The following SMAP2 variants were observed in gnomAD, a reference collection of about 807,000 sequenced individuals.
SMAP2 encodes small ArfGAP2, also known as stromal membrane-associated protein 2.
In SMAP2, 25 loss-of-function variants were observed where a neutral mutation model predicts 56.4. The ratio of observed to expected loss-of-function variants is 0.44; its 90% CI spans 0.32 to 0.62. SMAP2 has a LOEUF of 0.62. SMAP2 is among the 20% of genes least tolerant of loss of function. The pLI, the probability that SMAP2 is intolerant of heterozygous loss-of-function variation, is 0.04. For missense variants in SMAP2, 388 were observed against 545.6 expected (o/e 0.71, Z 2.88); for synonymous variants, 157 against 181.7 (o/e 0.86, Z 1.09).
In SMAP2 at chr1:40,422,144, T is replaced by G. The variant is rs1197380503; in HGVS notation, c.*43T>G. 1.2e-6 allele frequency: 2 copies of G among 1,609,338 alleles called. No individual in the cohort carries two copies. The highest frequency in any genetic ancestry group is 1.7e-6 in the Non-Finnish European group (2 of 1,178,438). ...GGCTGCCATTCTCTTCAGCCCTCGC[T>G]CTCCCCTTTCCACAGCCTCCACCCC... On this transcript the variant is annotated 3_prime_UTR_variant, in exon 10 of 10. Coordinates refer to ENST00000372718, the MANE Select transcript of SMAP2 (RefSeq NM_022733.3).
At chr1:40,349,693 G>A (rs1024288229) in intron 1 of SMAP2, among the ~76,000 whole-genome samples, 1 of 151,912 alleles carries the variant, frequency 6.6e-6, no homozygotes, top group African/African-American at 2.4e-5. Context: ...TAATTTTTTT[G>A]TATTTTTAGT....
intron 1 of SMAP2, among the ~76,000 whole-genome samples, chr1:40,390,396 G>C (rs1420685162): frequency 6.6e-6 from 1 of 152,164 alleles, no homozygotes; most frequent in Non-Finnish European, 1.5e-5. Context: ...CTTGCACAAG[G>C]GCTCATTTGC....
intron 1 of SMAP2, among the ~76,000 whole-genome samples, chr1:40,404,596 GTGTT>G (rs2124331462): frequency 6.6e-6 from 1 of 152,324 alleles, no homozygotes; most frequent in Non-Finnish European, 1.5e-5. Context: ...TTTAATGAAT[GTGTT>G]TGGCTTCTGA....
intron 1 of SMAP2, among the ~76,000 whole-genome samples, chr1:40,401,837 T>C (rs1031592469): frequency 2.6e-5 from 4 of 152,246 alleles, no homozygotes; most frequent in East Asian, 1.9e-4. Flanking sequence ...ATTTTTCCGA[T>C]ACTGAACTGG....
chr1:40,401,555 TTAG>T (rs1644834664), intron 1 of SMAP2, among the ~76,000 whole-genome samples: 1 of 152,292 alleles, frequency 6.6e-6, no homozygotes, highest in Non-Finnish European at 1.5e-5. Context: ...TATTATAATA[TTAG>T]TAGTAGCTTG....
intron 6 of SMAP2, 122 bp downstream of exon 6, chr1:40,414,362 A>C: frequency 5.9e-6 from 5 of 846,836 alleles, no homozygotes; most frequent in Non-Finnish European, 9.6e-6. Context: ...CTGTTCTCTC[A>C]CATTCTTCCT....
chr1:40,375,945 T>A (rs1644537312), intron 1 of SMAP2: 1 of 204,188 alleles, frequency 4.9e-6, no homozygotes, highest in African/African-American at 2.4e-5. Flanking sequence ...GCTTTTTATT[T>A]ATTTTATTTT....
chr1:40,355,750 G>A (rs1157015559), intron 1 of SMAP2, among the ~76,000 whole-genome samples: 1 of 151,994 alleles, frequency 6.6e-6, no homozygotes, highest in Non-Finnish European at 1.5e-5. Context: ...AGCCCCTCAA[G>A]TAGCTGGAAC....
Position 40,374,321 on chromosome 1 carries a change from C to A in SMAP2, c.103+98C>A. The A allele has an allele frequency of 1.9e-6, 2 of 1,029,642 alleles. No homozygotes were observed. The highest frequency in any genetic ancestry group is 3.0e-6 in the Non-Finnish European group (2 of 673,732). The allele number at this position is 1,029,642 out of a possible 1,614,324, so 63.8% of individuals were successfully genotyped here. ...GGTTTCTGAAGCTTAGGCCGCCCAACTCGGCTTATAAGTGGTAACGCGTGC... is the reference window on the plus strand; with the variant it reads ...GGTTTCTGAAGCTTAGGCCGCCCAAATCGGCTTATAAGTGGTAACGCGTGC... On this transcript the variant is annotated intron_variant, in intron 1 of 9. Coordinates refer to ENST00000372718, the MANE Select transcript of SMAP2 (RefSeq NM_022733.3). This position sits in a 1 kb window ranked among gnomAD's most constrained non-coding sequence, Gnocchi z 5.9.
chr1:40,384,283 T>G (rs936641317), intron 1 of SMAP2, among the ~76,000 whole-genome samples: 1 of 152,206 alleles, frequency 6.6e-6, no homozygotes, highest in African/African-American at 2.4e-5. Context: ...TTAACTAGTC[T>G]TATTGATTTG....
chr1:40,356,997 T>A (rs1353499606), intron 1 of SMAP2, among the ~76,000 whole-genome samples: 2 of 151,454 alleles, frequency 1.3e-5, no homozygotes, highest in Non-Finnish European at 2.9e-5. Context: ...TTTTTGCCCA[T>A]TTTTAAATCA....
chr1:40,414,094 G>T (rs1644963373), intron 5 of SMAP2, 65 bp from the exon 6 acceptor site: 1 of 1,450,278 alleles, frequency 6.9e-7, no homozygotes, highest in East Asian at 2.3e-5. Context: ...TGGCTTTACA[G>T]TGGAGATGGG....
At chr1:40,345,873 G>GTATTA (rs917176768) in intron 1 of SMAP2, among the ~76,000 whole-genome samples, 3 of 102,304 alleles carry the variant, frequency 2.9e-5, no homozygotes, top group African/African-American at 1.4e-4. Context: ...ATATTATATT[G>GTATTA]TATTATATTG....
chr1:40,422,025 T>A lies in SMAP2; in HGVS notation c.1214T>A (p.Met405Lys). Reference sequence around the variant, plus strand: ...AACTTCTATGGAGCCAATGGCATGATGAACTATGGACAGTCAATGAGTGGC... The same window carrying A: ...AACTTCTATGGAGCCAATGGCATGAAGAACTATGGACAGTCAATGAGTGGC... Reference protein sequence around the residue: ...GMNFYGANGMMNYGQSMSGGN... With the variant: ...GMNFYGANGMKNYGQSMSGGN... Residue 405 changes from methionine (M) to lysine (K), a missense_variant, in exon 10 of 10, where the codon ATG becomes AAG. Transcript: ENST00000372718. 1.2e-6 allele frequency: 2 copies of A among 1,614,182 alleles called. No individual in the cohort carries two copies. The highest frequency in any genetic ancestry group is 2.2e-5 in the South Asian group (2 of 91,082).
intron 2 of SMAP2, chr1:40,362,458 C>T (rs1644463833): frequency 1.3e-5 from 2 of 152,196 alleles, no homozygotes. Context: ...TGTCTTTATT[C>T]AACACTGCCT....
At chr1:40,387,264 G>A (rs573151645) in intron 1 of SMAP2, among the ~76,000 whole-genome samples, 25 of 152,104 alleles carry the variant, frequency 1.6e-4, no homozygotes, top group Non-Finnish European at 3.2e-4. Flanking sequence ...CATTAAAAAC[G>A]TGTAAATACC....
At chr1:40,394,692 C>G (rs1216008024) in intron 1 of SMAP2, among the ~76,000 whole-genome samples, 2 of 152,150 alleles carry the variant, frequency 1.3e-5, no homozygotes, top group Non-Finnish European at 2.9e-5. Context: ...ACACTACCAC[C>G]AAGAGCACTG....
chr1:40,399,310 A>ATTTTTTTTTTTTTTTTTTTT (rs747127620), intron 1 of SMAP2, among the ~76,000 whole-genome samples: 3 of 91,954 alleles, frequency 3.3e-5, no homozygotes, highest in Admixed American at 1.4e-4. Flanking sequence ...ACGTGTGGCT[A>ATTTTTTTTTTTTTTTTTTTT]TTTTTTTTTT....
intron 1 of SMAP2, among the ~76,000 whole-genome samples, chr1:40,380,385 G>A (rs1644585461): frequency 6.6e-6 from 1 of 152,086 alleles, no homozygotes; most frequent in Non-Finnish European, 1.5e-5. Context: ...TCTCATAGTT[G>A]TCTTAAGTTT....
Sources: gnomAD v4.1 joint callset for allele counts (sites outside exome capture counted in the v4.1 genomes callset) on GRCh38, gnomAD v4.1.1 for gene constraint, Gnocchi (gnomAD v3.1) non-coding constraint, MANE v1.5 for transcripts, NCBI Gene and HGNC (gene_info 2026-07-23, HGNC 2026-07-21) for gene names.